BTRC: variants seen among roughly 807,000 people sequenced by gnomAD.
The protein encoded by BTRC is F-box/WD repeat-containing protein 1A.
A neutral mutation model predicts 85.5 loss-of-function variants in BTRC; 42 were observed. The observed-to-expected ratio is 0.49, with a 90% CI of 0.38 to 0.64. The LOEUF (loss-of-function observed/expected upper bound fraction) is 0.64, where lower values mean the gene tolerates loss of function less well. Among genes scored for constraint, BTRC ranks in the 30% least tolerant of loss-of-function variants. The pLI is 0.00. For missense variants in BTRC, 594 were observed against 743.5 expected (o/e 0.80, Z 2.34); for synonymous variants, 255 against 263.3 (o/e 0.97, Z 0.30).
intron 1 of BTRC, among the ~76,000 whole-genome samples, chr10:101,414,267 C>G (rs773328045): frequency 1.3e-5 from 2 of 152,068 alleles, no homozygotes; most frequent in African/African-American, 2.4e-5. Context: ...ACTGTGTACA[C>G]GATGGTGGTC....
At chr10:101,477,070 G>A (rs934013783) in intron 3 of BTRC, among the ~76,000 whole-genome samples, 10 of 152,118 alleles carry the variant, frequency 6.6e-5, no homozygotes, top group Non-Finnish European at 1.2e-4. Flanking sequence ...TCTGCCTCCC[G>A]GGTTCAAGCG....
At chr10:101,444,978 T>C (rs536437964) in intron 2 of BTRC, among the ~76,000 whole-genome samples, 58 of 152,336 alleles carry the variant, frequency 3.8e-4, no homozygotes, top group Non-Finnish European at 6.5e-4. Context: ...TCTAGACATT[T>C]GAAAGATATT....
chr10:101,422,231 G>C (rs1349048629), intron 1 of BTRC, among the ~76,000 whole-genome samples: 1 of 152,196 alleles, frequency 6.6e-6, no homozygotes, highest in East Asian at 1.9e-4. Context: ...GTGATGATGA[G>C]CATTTTTTCA....
chr10:101,534,105 G>T (rs1172695659), intron 9 of BTRC, among the ~76,000 whole-genome samples: 1 of 152,134 alleles, frequency 6.6e-6, no homozygotes, highest in East Asian at 1.9e-4. Context: ...CCCACACTCT[G>T]CTGTGAAGCC....
intron 1 of BTRC, among the ~76,000 whole-genome samples, chr10:101,387,528 C>CCTTTTTTTTTTTTTTTTT (rs1399986557): frequency 6.7e-5 from 3 of 45,092 alleles, no homozygotes; most frequent in East Asian, 1.3e-3. Flanking sequence ...CTTCATGGGA[C>CCTTTTTTTTTTTTTTTTT]TTTTTTTTTT....
chr10:101,511,349 A>C (rs771667743), intron 4 of BTRC, among the ~76,000 whole-genome samples: 1 of 152,106 alleles, frequency 6.6e-6, no homozygotes, highest in African/African-American at 2.4e-5. Flanking sequence ...CTCAGGTGTC[A>C]CTTCCTTTAG....
At chr10:101,366,777 TATATATA>T (rs1478294550) in intron 1 of BTRC, among the ~76,000 whole-genome samples, 8 of 111,066 alleles carry the variant, frequency 7.2e-5, no homozygotes, top group Admixed American at 4.4e-4. Flanking sequence ...TATATATATA[TATATATA>T]TATATTTTTA....
At chr10:101,533,206 T>C (rs1283914601) in intron 9 of BTRC, 136 bp downstream of exon 9, 1 of 579,208 alleles carries the variant, frequency 1.7e-6, no homozygotes, top group South Asian at 3.3e-5. Flanking sequence ...CCATCATTTC[T>C]GTCAGTCTAG....
chr10:101,378,046 A>G (rs1273099591), intron 1 of BTRC, among the ~76,000 whole-genome samples: 3 of 152,186 alleles, frequency 2.0e-5, no homozygotes, highest in Admixed American at 1.3e-4. Context: ...ATCATGATCT[A>G]CATTTACTGA....
chr10:101,481,435 G>T lies in BTRC; in HGVS notation c.324+1978G>T, dbSNP rs550183789. On this transcript the variant is annotated intron_variant, in intron 4 of 14. Transcript: ENST00000370187. ...GCATGAGCACCAATCCAAGGACAGG[G>T]TGATGATTTTAATGAGTTTCACTGA... is the stretch of plus-strand genomic sequence containing the variant. 5.7e-4 allele frequency among the ~76,000 whole-genome samples: 87 copies of T among 152,256 alleles called. 1 individual carries two copies. Among genetic ancestry groups the T allele is most frequent in the Admixed American group, 4.7e-3 (72 of 15,288 alleles).
intron 3 of BTRC, among the ~76,000 whole-genome samples, chr10:101,476,563 C>T (rs1367870778): frequency 1.3e-5 from 2 of 151,860 alleles, no homozygotes; most frequent in South Asian, 2.1e-4. Context: ...TCTTCAACTC[C>T]AGGGCTCAGT....
At chr10:101,393,729 A>G (rs987225105) in intron 1 of BTRC, among the ~76,000 whole-genome samples, 15 of 152,260 alleles carry the variant, frequency 9.9e-5, no homozygotes, top group Non-Finnish European at 1.8e-4. Context: ...GGTTGGAAAG[A>G]GTCTTTCCCT....
At chr10:101,466,961 C>G (rs908239395) in intron 3 of BTRC, among the ~76,000 whole-genome samples, 1 of 152,148 alleles carries the variant, frequency 6.6e-6, no homozygotes, top group Non-Finnish European at 1.5e-5. Context: ...ATGGGCATAG[C>G]TCCTTTATAC....
At position 101,430,396 on chromosome 10, in the gene BTRC, A is replaced by G. The variant is rs759772981; in HGVS notation, c.100A>G (p.Met34Val). Reference sequence around the variant, plus strand: ...GGGCTGCTCCAGCCTGGCGGACAGCATGCCTTCGCTGCGATGCCTGTATAA... The same window carrying G: ...GGGCTGCTCCAGCCTGGCGGACAGCGTGCCTTCGCTGCGATGCCTGTATAA... ...WLGCSSLADS[M>V]PSLRCLYNPG... Residue 34 changes from methionine to valine, a missense_variant, in exon 2 of 15, where the codon ATG (methionine) becomes GTG (valine). Around this residue, in one of 4 missense-constraint regions of BTRC, gnomAD observed 163 missense variants for 180.5 expected, o/e 0.90. Coordinates refer to ENST00000370187, the MANE Select transcript of BTRC (RefSeq NM_033637.4). The G allele has an allele frequency of 1.2e-6, 2 of 1,614,036 alleles. No individual in the cohort carries two copies. The highest frequency in any genetic ancestry group is 1.1e-5 in the South Asian group (1 of 91,042).
intron 2 of BTRC, among the ~76,000 whole-genome samples, chr10:101,445,069 T>C (rs533623427): frequency 9.8e-5 from 15 of 152,342 alleles, no homozygotes; most frequent in African/African-American, 3.6e-4. Flanking sequence ...GGTTTAGTTA[T>C]CGACATTTCA....
At chr10:101,477,476 A>ATGTTT (rs1208414167) in intron 3 of BTRC, among the ~76,000 whole-genome samples, 4 of 151,816 alleles carry the variant, frequency 2.6e-5, no homozygotes, top group Non-Finnish European at 5.9e-5. Context: ...AGTATTACCA[A>ATGTTT]TGTTTTGTTT....
At chr10:101,406,557 C>T (rs535719725) in intron 1 of BTRC, among the ~76,000 whole-genome samples, 226 of 72,850 alleles carry the variant, frequency 3.1e-3, no homozygotes, top group Middle Eastern at 0.016. Context: ...TTTTTTGAGA[C>T]GGAGTCTCAC....
At chr10:101,455,983 A>C (rs868219938) in intron 2 of BTRC, among the ~76,000 whole-genome samples, 38 of 96,042 alleles carry the variant, frequency 4.0e-4, no homozygotes, top group South Asian at 7.4e-4. Context: ...CTCTACTAAA[A>C]ACACACACAC....
chr10:101,427,684 A>G (rs1944296823), intron 1 of BTRC, among the ~76,000 whole-genome samples: 1 of 151,516 alleles, frequency 6.6e-6, no homozygotes, highest in African/African-American at 2.4e-5. Context: ...ATGTGCCACC[A>G]TGCCCAGCTA....
Sources: allele counts gnomAD v4.1 joint callset (sites outside exome capture counted in the v4.1 genomes callset), GRCh38; gene constraint gnomAD v4.1.1; regional missense constraint gnomAD v4.1.1; transcripts MANE v1.5; gene names NCBI Gene and HGNC (gene_info 2026-07-23, HGNC 2026-07-21).